The following DLG1 variants were observed in gnomAD, a reference collection of about 807,000 sequenced individuals.
DLG1 encodes discs large MAGUK scaffold protein 1, also known as disks large homolog 1.
Under a neutral mutation model 123.4 loss-of-function variants are expected in DLG1, and 42 were observed. The observed-to-expected ratio is 0.34, with a 90% CI of 0.27 to 0.44. DLG1 has a LOEUF of 0.44. Among genes scored for constraint, DLG1 ranks in the 20% least tolerant of loss-of-function variants. DLG1 has a pLI of 1.00. For missense variants in DLG1, 942 were observed against 1,082.6 expected (o/e 0.87, Z 1.82); for synonymous variants, 317 against 356.2 (o/e 0.89, Z 1.24).
intron 4 of DLG1, among the ~76,000 whole-genome samples, chr3:197,267,196 A>G (rs1669874971): frequency 6.6e-6 from 1 of 151,716 alleles, no homozygotes; most frequent in Non-Finnish European, 1.5e-5. Flanking sequence ...CATGATTAAA[A>G]TATTTTTTTA....
chr3:197,069,811 T>A (rs186933926), intron 18 of DLG1: 1 of 152,332 alleles, frequency 6.6e-6, no homozygotes, highest in Non-Finnish European at 1.5e-5. Flanking sequence ...ATGTCTCAGC[T>A]GGAAGGGAAG....
At chr3:197,109,429 G>A (rs1434168315) in intron 13 of DLG1, among the ~76,000 whole-genome samples, 2 of 152,154 alleles carry the variant, frequency 1.3e-5, no homozygotes, top group African/African-American at 4.8e-5. Context: ...CCGCCTTGTG[G>A]TGTTGTCATA....
intron 5 of DLG1, among the ~76,000 whole-genome samples, chr3:197,155,939 A>C (rs1182281287): frequency 6.6e-6 from 1 of 152,176 alleles, no homozygotes; most frequent in Non-Finnish European, 1.5e-5. Context: ...ACAGAATGAG[A>C]CCCTGCCTAT....
intron 13 of DLG1, 108 bp from the exon 14 acceptor site, chr3:197,105,113 C>T: frequency 1.6e-6 from 1 of 619,566 alleles, no homozygotes; most frequent in East Asian, 3.1e-5. Context: ...GTTGCAATAA[C>T]TTTACCACTA....
chr3:197,262,614 C>T (rs1031871798), intron 4 of DLG1, among the ~76,000 whole-genome samples: 3 of 152,146 alleles, frequency 2.0e-5, no homozygotes, highest in Admixed American at 1.3e-4. Flanking sequence ...GGGGCTGAGC[C>T]CCCAACCTGT....
At chr3:197,117,156 G>A (rs1773750231) in intron 12 of DLG1, among the ~76,000 whole-genome samples, 1 of 151,934 alleles carries the variant, frequency 6.6e-6, no homozygotes, top group Admixed American at 6.6e-5. Context: ...TACTAGGATG[G>A]CTATTAAAAA....
intron 12 of DLG1, among the ~76,000 whole-genome samples, chr3:197,116,845 A>G (rs2149410080): frequency 6.6e-6 from 1 of 152,282 alleles, no homozygotes; most frequent in African/African-American, 2.4e-5. Flanking sequence ...GGCTTTTTAT[A>G]TGAAATAATT....
At chr3:197,132,309 ATAAG>A (rs1783076946) in intron 10 of DLG1, among the ~76,000 whole-genome samples, 2 of 150,184 alleles carry the variant, frequency 1.3e-5, no homozygotes, top group Non-Finnish European at 3.0e-5. Context: ...TTTTTTGCAA[ATAAG>A]TAAAACATTA....
chr3:197,054,233 A>T (rs1479078103), intron 23 of DLG1, among the ~76,000 whole-genome samples: 2 of 152,184 alleles, frequency 1.3e-5, no homozygotes, highest in Admixed American at 1.3e-4. Flanking sequence ...ATCTAAGTTT[A>T]TCCTGCTTTG....
At chr3:197,298,682 G>C (rs1334972306), upstream of DLG1, 1 of 397,420 alleles carries the variant, frequency 2.5e-6, no homozygotes, top group Non-Finnish European at 4.4e-6. Flanking sequence ...GGGAGGGCGG[G>C]GCCTGGGAGA....
At chr3:197,117,032 T>A (rs1773662455) in intron 12 of DLG1, among the ~76,000 whole-genome samples, 1 of 152,154 alleles carries the variant, frequency 6.6e-6, no homozygotes. Flanking sequence ...AATTCAACAG[T>A]ATTTCCAGGG....
intron 5 of DLG1, among the ~76,000 whole-genome samples, chr3:197,158,785 G>A (rs1052692820): frequency 2.6e-5 from 4 of 152,138 alleles, no homozygotes; most frequent in Non-Finnish European, 4.4e-5. Flanking sequence ...GGACAGAGAC[G>A]ATGTTCTATT....
chr3:197,098,304 T>C (rs747679470), intron 14 of DLG1, among the ~76,000 whole-genome samples: 3 of 152,242 alleles, frequency 2.0e-5, no homozygotes, highest in Non-Finnish European at 2.9e-5. Flanking sequence ...TGATTTAAGA[T>C]AGTCTACATT....
At chr3:197,178,811 G>C (rs1415547184) in intron 5 of DLG1, among the ~76,000 whole-genome samples, 1 of 151,794 alleles carries the variant, frequency 6.6e-6, no homozygotes. Flanking sequence ...ACTGAGAACT[G>C]GCCACTGGAT....
chr3:197,246,384 G>A (rs1439069522), intron 4 of DLG1, among the ~76,000 whole-genome samples: 1 of 152,122 alleles, frequency 6.6e-6, no homozygotes, highest in African/African-American at 2.4e-5. Context: ...AACTGTCAGT[G>A]GTTAGTGTTA....
intron 13 of DLG1, among the ~76,000 whole-genome samples, chr3:197,113,680 T>C (rs917734326): frequency 2.0e-5 from 3 of 152,084 alleles, no homozygotes; most frequent in Non-Finnish European, 4.4e-5. Flanking sequence ...CTTGCTTTTT[T>C]GAACCAAGCC....
chr3:197,069,336 G>C (rs1013029329), intron 18 of DLG1, 76 bp from the exon 19 acceptor site: 1 of 989,998 alleles, frequency 1.0e-6, no homozygotes, highest in African/African-American at 1.7e-5. Flanking sequence ...ATGAAATGTT[G>C]AGATATAAGC....
intron 5 of DLG1, among the ~76,000 whole-genome samples, chr3:197,169,682 A>G (rs1421843580): frequency 6.6e-6 from 1 of 152,226 alleles, no homozygotes; most frequent in African/African-American, 2.4e-5. Flanking sequence ...TAATGCTTAT[A>G]TTTTACATTA....
chr3:197,290,897 TAAAAAAAAAAAAA>T (rs34807556), intron 3 of DLG1, among the ~76,000 whole-genome samples: 1 of 87,970 alleles, frequency 1.1e-5, no homozygotes, highest in East Asian at 3.1e-4. Context: ...CTCCAAATAG[TAAAAAAAAAAAAA>T]AAAAAAAAAA....
Sources: allele counts gnomAD v4.1 joint callset (sites outside exome capture counted in the v4.1 genomes callset), GRCh38; gene constraint gnomAD v4.1.1; transcripts MANE v1.5; gene names NCBI Gene and HGNC (gene_info 2026-07-23, HGNC 2026-07-21).